The following CNTNAP2 variants were observed in gnomAD, a reference collection of about 807,000 sequenced individuals.
The protein encoded by CNTNAP2 is contactin associated protein 2.
Under a neutral mutation model 155.2 loss-of-function variants are expected in CNTNAP2, and 98 were observed. The observed-to-expected ratio is 0.63, with a 90% confidence interval of 0.54 to 0.75. The LOEUF is 0.75. Ranked by LOEUF, CNTNAP2 falls within the 30% of genes least tolerant of loss-of-function variation. The pLI, the probability that CNTNAP2 is intolerant of heterozygous loss-of-function variation, is 0.00. For missense variants in CNTNAP2, 1,727 were observed against 1,688.1 expected (o/e 1.02, Z -0.40); for synonymous variants, 651 against 631.2 (o/e 1.03, Z -0.47).
At chr7:147,043,117 T>A (rs1799289856) in intron 3 of CNTNAP2, among the ~76,000 whole-genome samples, 1 of 152,182 alleles carries the variant, frequency 6.6e-6, no homozygotes, top group African/African-American at 2.4e-5. Context: ...GGTAATTTTT[T>A]GAGAGTCGAG....
chr7:148,226,363 C>T (rs1286473237), intron 19 of CNTNAP2, among the ~76,000 whole-genome samples: 1 of 151,774 alleles, frequency 6.6e-6, no homozygotes, highest in African/African-American at 2.4e-5. Context: ...AAGAGGGTGC[C>T]CCCTCCCACC....
chr7:146,292,091 A>G (rs1800438045), intron 1 of CNTNAP2, among the ~76,000 whole-genome samples: 1 of 152,192 alleles, frequency 6.6e-6, no homozygotes, highest in Admixed American at 6.5e-5. Context: ...ACATTTTTCA[A>G]AAGAAGACAC....
intron 1 of CNTNAP2, among the ~76,000 whole-genome samples, chr7:146,265,134 CTG>C (rs928998645): frequency 2.6e-5 from 4 of 152,124 alleles, no homozygotes; most frequent in African/African-American, 9.7e-5. Flanking sequence ...ATATGTGTGT[CTG>C]TGTATAACGC....
intron 1 of CNTNAP2, among the ~76,000 whole-genome samples, chr7:146,506,476 T>A (rs1186296855): frequency 6.6e-6 from 1 of 152,202 alleles, no homozygotes; most frequent in African/African-American, 2.4e-5. Context: ...TAGAGCTACA[T>A]CTCGTGTAGG....
At chr7:146,226,172 T>G (rs1349697809) in intron 1 of CNTNAP2, among the ~76,000 whole-genome samples, 2 of 152,162 alleles carry the variant, frequency 1.3e-5, no homozygotes, top group African/African-American at 4.8e-5. Context: ...TCGGCCCTAC[T>G]GAGATTACTA....
chr7:146,944,833 G>A (rs972061754), intron 3 of CNTNAP2, among the ~76,000 whole-genome samples: 5 of 151,752 alleles, frequency 3.3e-5, no homozygotes, highest in African/African-American at 1.2e-4. Context: ...AGCCGAGATC[G>A]TGCCACTGCA....
In CNTNAP2 at chr7:146,625,193, AAGG is replaced by A. The variant is rs1165374617; in HGVS notation, c.98-149075_98-149073del. On this transcript the variant is annotated intron_variant, in intron 1 of 23. Coordinates refer to ENST00000361727, the MANE Select transcript of CNTNAP2 (RefSeq NM_014141.6). Reference sequence around the variant, plus strand: ...GATTGACACATATGGTCAGAGAGGAAAGGAGACTCAGGGAGCAGCACATTATTA... The same window carrying A: ...GATTGACACATATGGTCAGAGAGGAAAGACTCAGGGAGCAGCACATTATTA... 5.3e-5 allele frequency among the ~76,000 whole-genome samples: 8 copies of A among 151,984 alleles called. No homozygotes were observed. The South Asian group carries it at 1.4e-3, about 28-fold the overall frequency.
At chr7:146,640,135 C>T (rs528401138) in intron 1 of CNTNAP2, among the ~76,000 whole-genome samples, 1 of 152,334 alleles carries the variant, frequency 6.6e-6, no homozygotes, top group South Asian at 2.1e-4. Flanking sequence ...CTTAGCTTCT[C>T]ATGAAATATC....
chr7:147,636,002 A>G (rs1015418823), intron 12 of CNTNAP2, among the ~76,000 whole-genome samples: 1 of 152,224 alleles, frequency 6.6e-6, no homozygotes, highest in Non-Finnish European at 1.5e-5. Flanking sequence ...TAATTAATGT[A>G]TCTTTAATTA....
At chr7:147,924,446 G>A (rs965171138) in intron 14 of CNTNAP2, among the ~76,000 whole-genome samples, 2 of 151,970 alleles carry the variant, frequency 1.3e-5, no homozygotes, top group Non-Finnish European at 2.9e-5. Context: ...CCCACACTAA[G>A]CACTTTATCT....
intron 8 of CNTNAP2, among the ~76,000 whole-genome samples, chr7:147,213,915 C>T (rs926524020): frequency 6.6e-6 from 1 of 152,024 alleles, no homozygotes; most frequent in African/African-American, 2.4e-5. Context: ...GAGTATATCC[C>T]AGCTCCAAGA....
At chr7:146,684,321 G>C (rs751299636) in intron 1 of CNTNAP2, among the ~76,000 whole-genome samples, 101 of 152,100 alleles carry the variant, frequency 6.6e-4, no homozygotes, top group South Asian at 4.1e-4. Flanking sequence ...TTTTCGATGA[G>C]CTAAGTGAGA....
Position 146,416,603 on chromosome 7 carries a change from T to C in CNTNAP2, c.97+299630T>C, listed in dbSNP as rs1172817259. 2.6e-5 allele frequency among the ~76,000 whole-genome samples: 4 copies of C among 152,118 alleles called. 1 individual carries two copies. The highest frequency in any genetic ancestry group is 6.6e-5 in the Admixed American group (1 of 15,254). On this transcript the variant is annotated intron_variant, in intron 1 of 23. Coordinates refer to ENST00000361727, the MANE Select transcript of CNTNAP2 (RefSeq NM_014141.6). ...AATTTTTTAAAAATATGCAGCTTATTATCTAAAGAAAGACCTTTCTAACCC... is the reference window on the plus strand; with the variant it reads ...AATTTTTTAAAAATATGCAGCTTATCATCTAAAGAAAGACCTTTCTAACCC...
chr7:146,985,387 G>A (rs1437616901), intron 3 of CNTNAP2, among the ~76,000 whole-genome samples: 3 of 143,784 alleles, frequency 2.1e-5, no homozygotes, highest in Admixed American at 1.4e-4. Flanking sequence ...GTGCAGTCTC[G>A]GCTCACTGCA....
chr7:146,480,945 G>T (rs1796952002), intron 1 of CNTNAP2, among the ~76,000 whole-genome samples: 1 of 151,850 alleles, frequency 6.6e-6, no homozygotes, highest in African/African-American at 2.4e-5. Context: ...CTCCCAAAGT[G>T]CTGGTACCAC....
chr7:147,509,877 A>G (rs949705413), intron 11 of CNTNAP2, among the ~76,000 whole-genome samples: 2 of 152,038 alleles, frequency 1.3e-5, no homozygotes, highest in Admixed American at 6.6e-5. Context: ...GAGGTTTTTG[A>G]GTTTTAGTTA....
intron 1 of CNTNAP2, among the ~76,000 whole-genome samples, chr7:146,537,677 T>C (rs1797890334): frequency 1.3e-5 from 2 of 152,042 alleles, no homozygotes; most frequent in South Asian, 4.1e-4. Context: ...ACTAAACAAC[T>C]GAAAAACTAA....
intron 14 of CNTNAP2, among the ~76,000 whole-genome samples, chr7:147,925,457 G>A (rs1016287597): frequency 6.6e-6 from 1 of 151,888 alleles, no homozygotes; most frequent in African/African-American, 2.4e-5. Context: ...TACATTCTGT[G>A]GATTTTTTAT....
At chr7:147,567,001 T>C (rs183945770) in intron 12 of CNTNAP2, among the ~76,000 whole-genome samples, 1 of 152,106 alleles carries the variant, frequency 6.6e-6, no homozygotes, top group African/African-American at 2.4e-5. Flanking sequence ...CAACTTGGCA[T>C]CCATGCACAC....
Sources: gnomAD v4.1 joint callset for allele counts (sites outside exome capture counted in the v4.1 genomes callset) on GRCh38, gnomAD v4.1.1 for gene constraint, MANE v1.5 for transcripts, NCBI Gene and HGNC (gene_info 2026-07-23, HGNC 2026-07-21) for gene names.